Variants in SPPL3 observed in about 807,000 individuals in gnomAD.
SPPL3 encodes the protein signal peptide peptidase like 3, also known as signal peptide peptidase-like 3.
A neutral mutation model predicts 42.4 loss-of-function variants in SPPL3; 5 were observed. That is an observed-to-expected ratio of 0.12 (90% CI 0.06 to 0.25). SPPL3 has a LOEUF of 0.25. SPPL3 is among the 10% of genes least tolerant of loss of function. The pLI, the probability that SPPL3 is intolerant of heterozygous loss-of-function variation, is 1.00. For missense variants in SPPL3, 235 were observed against 489.0 expected, an observed-to-expected ratio of 0.48 and a Z score of 4.90; for synonymous variants, 195 against 181.8, an observed-to-expected ratio of 1.07 and a Z score of -0.58.
chr12:120,826,127 C>T (rs893419229), intron 1 of SPPL3, among the ~76,000 whole-genome samples: 1 of 151,096 alleles, frequency 6.6e-6, no homozygotes, highest in African/African-American at 2.4e-5. Context: ...AACCCTGTCT[C>T]TACTAAAAAT....
At chr12:120,864,756 C>G (rs1002474651) in intron 1 of SPPL3, among the ~76,000 whole-genome samples, 3 of 152,136 alleles carry the variant, frequency 2.0e-5, no homozygotes. Flanking sequence ...TTAAAACAAC[C>G]ACAGTACTTC....
chr12:120,817,190 G>C (rs1870912195), intron 1 of SPPL3, among the ~76,000 whole-genome samples: 1 of 151,950 alleles, frequency 6.6e-6, no homozygotes, highest in African/African-American at 2.4e-5. Flanking sequence ...AGCTACTTGG[G>C]AGGCTGAGGT....
intron 1 of SPPL3, among the ~76,000 whole-genome samples, chr12:120,856,503 CTTTTTTTTTTT>C (rs35137934): frequency 7.8e-5 from 7 of 89,202 alleles, no homozygotes; most frequent in East Asian, 3.7e-4. Flanking sequence ...CAATTTTCAT[CTTTTTTTTTTT>C]TTTTTTTTTT....
chr12:120,881,303 T>C (rs544009748), intron 1 of SPPL3, among the ~76,000 whole-genome samples: 69 of 150,858 alleles, frequency 4.6e-4, no homozygotes, highest in Non-Finnish European at 6.8e-4. Context: ...ACCCTGTTGC[T>C]ACTAAAAATA....
chr12:120,841,511 T>A (rs1871832093), intron 1 of SPPL3, among the ~76,000 whole-genome samples: 1 of 152,152 alleles, frequency 6.6e-6, no homozygotes, highest in African/African-American at 2.4e-5. Context: ...GAAACCTTCA[T>A]GTTATGGAAG....
chr12:120,886,628 C>T (rs1735231325), intron 1 of SPPL3, among the ~76,000 whole-genome samples: 1 of 152,176 alleles, frequency 6.6e-6, no homozygotes, highest in Non-Finnish European at 1.5e-5. Context: ...CTGCTCGCAA[C>T]CAAAAATCTG....
chr12:120,867,508 A>G (rs999100843), intron 1 of SPPL3, among the ~76,000 whole-genome samples: 1 of 152,010 alleles, frequency 6.6e-6, no homozygotes, highest in Admixed American at 6.5e-5. Context: ...CCACTAAAAT[A>G]CAAAAAACTA....
intron 6 of SPPL3, among the ~76,000 whole-genome samples, chr12:120,770,617 C>G (rs560099896): frequency 5.9e-5 from 9 of 152,130 alleles, no homozygotes; most frequent in African/African-American, 2.2e-4. Flanking sequence ...CTCCTTTTCC[C>G]TTGATTCTCA....
intron 1 of SPPL3, among the ~76,000 whole-genome samples, chr12:120,854,859 C>T (rs1387971126): frequency 1.3e-5 from 2 of 152,136 alleles, no homozygotes; most frequent in Non-Finnish European, 2.9e-5. Context: ...ATAATCAAAA[C>T]CTGCTCAACT....
chr12:120,791,655 A>C, intron 2 of SPPL3, 98 bp from the exon 3 acceptor site: 2 of 762,590 alleles, frequency 2.6e-6, no homozygotes, highest in Non-Finnish European at 4.4e-6. Flanking sequence ...GGAATTAGGA[A>C]AGAAGGTCTC....
chr12:120,800,496 C>T (rs921543660), intron 2 of SPPL3, among the ~76,000 whole-genome samples: 2 of 151,930 alleles, frequency 1.3e-5, no homozygotes, highest in Non-Finnish European at 2.9e-5. Flanking sequence ...GAATGAAACT[C>T]AGTCTCAAAA....
At chr12:120,802,469 T>G (rs1396957265) in intron 2 of SPPL3, among the ~76,000 whole-genome samples, 1 of 147,770 alleles carries the variant, frequency 6.8e-6, no homozygotes, top group Non-Finnish European at 1.5e-5. Flanking sequence ...GAGTCTCAGT[T>G]TGTGGCCCAG....
intron 1 of SPPL3, among the ~76,000 whole-genome samples, chr12:120,817,922 G>C (rs1870934483): frequency 6.6e-6 from 1 of 152,152 alleles, no homozygotes; most frequent in Admixed American, 6.5e-5. Flanking sequence ...ACAGGAGCTG[G>C]GGTTTGGGGA....
intron 1 of SPPL3, among the ~76,000 whole-genome samples, chr12:120,890,422 T>C (rs1236337077): frequency 6.6e-6 from 1 of 151,360 alleles, no homozygotes; most frequent in Non-Finnish European, 1.5e-5. Flanking sequence ...ACCCCATCCC[T>C]ACTAAAAATA....
chr12:120,816,539 G>T (rs929792106), intron 1 of SPPL3, among the ~76,000 whole-genome samples: 1 of 152,034 alleles, frequency 6.6e-6, no homozygotes, highest in South Asian at 2.1e-4. Flanking sequence ...TGGAGACAGG[G>T]TTTCACCTGT....
chr12:120,806,806 C>T (rs990727747), intron 2 of SPPL3, among the ~76,000 whole-genome samples: 2 of 150,994 alleles, frequency 1.3e-5, no homozygotes, highest in African/African-American at 4.9e-5. Flanking sequence ...GAGATCACAC[C>T]ACTGCACTCC....
At chr12:120,785,329 T>C (rs566818378) in intron 3 of SPPL3, among the ~76,000 whole-genome samples, 75 of 152,242 alleles carry the variant, frequency 4.9e-4, no homozygotes, top group African/African-American at 1.7e-3. Context: ...AATAATCTCT[T>C]GGGCTAGAGT....
intron 6 of SPPL3, among the ~76,000 whole-genome samples, chr12:120,780,471 G>A (rs1263106052): frequency 2.7e-5 from 4 of 150,844 alleles, no homozygotes; most frequent in Non-Finnish European, 5.9e-5. Flanking sequence ...AAAAGCTGGG[G>A]GAGGCCAGGC....
chr12:120,895,988 C>T (rs181386716), intron 1 of SPPL3, among the ~76,000 whole-genome samples: 4 of 152,066 alleles, frequency 2.6e-5, no homozygotes, highest in Admixed American at 2.6e-4. Flanking sequence ...ATATTCGATA[C>T]AATTCAAAAT....
Sources: allele counts gnomAD v4.1 joint callset (sites outside exome capture counted in the v4.1 genomes callset), GRCh38; gene constraint gnomAD v4.1.1; transcripts MANE v1.5; gene names NCBI Gene and HGNC (gene_info 2026-07-23, HGNC 2026-07-21).